The following NUDT6 variants were observed in gnomAD, a reference collection of about 807,000 sequenced individuals.
NUDT6 encodes the protein nudix hydrolase 6, also known as FAD diphosphatase NUDT6.
In NUDT6, 24 loss-of-function variants were observed where a neutral mutation model predicts 36.8. The ratio of observed to expected loss-of-function variants is 0.65; its 90% CI spans 0.47 to 0.92. The LOEUF (loss-of-function observed/expected upper bound fraction) is 0.92, where lower values mean the gene tolerates loss of function less well. NUDT6 is among the 40% of genes least tolerant of loss of function. The probability of loss-of-function intolerance (pLI) is 0.00; values close to 1 mark genes in which losing one functional copy is unlikely to be tolerated. For missense variants in NUDT6, 388 were observed against 392.8 expected, an observed-to-expected ratio of 0.99 and a Z score of 0.10; for synonymous variants, 163 against 157.0, an observed-to-expected ratio of 1.04 and a Z score of -0.29.
At chr4:122,910,598 G>A (rs1398411786) in intron 3 of NUDT6, among the ~76,000 whole-genome samples, 3 of 152,070 alleles carry the variant, frequency 2.0e-5, no homozygotes, top group South Asian at 2.1e-4. Context: ...GAAACCCAGT[G>A]TGCTATTTAA....
chr4:122,915,539 G>A (rs1048643334), intron 2 of NUDT6, among the ~76,000 whole-genome samples: 2 of 146,558 alleles, frequency 1.4e-5, no homozygotes, highest in Non-Finnish European at 3.0e-5. Flanking sequence ...ACATTACCTC[G>A]TCCACACCCC....
intron 1 of NUDT6, chr4:122,918,694 G>C (rs1727902427): frequency 6.6e-6 from 1 of 152,150 alleles, no homozygotes; most frequent in Non-Finnish European, 1.5e-5. Flanking sequence ...CTACCTCTTT[G>C]AAAGTTGCTG....
chr4:122,907,306 T>G (rs1284467385), intron 3 of NUDT6, among the ~76,000 whole-genome samples: 1 of 151,616 alleles, frequency 6.6e-6, no homozygotes, highest in Non-Finnish European at 1.5e-5. Context: ...AATTTTTGTG[T>G]TTTTTTAAAG....
At chr4:122,912,719 C>T in intron 2 of NUDT6, 96 bp from the exon 3 acceptor site, 1 of 780,460 alleles carries the variant, frequency 1.3e-6, no homozygotes, top group Non-Finnish European at 2.2e-6. Context: ...AAAATTCTAC[C>T]CATACTTGAA....
intron 3 of NUDT6, among the ~76,000 whole-genome samples, chr4:122,907,733 G>A (rs1264255465): frequency 1.3e-5 from 2 of 152,148 alleles, no homozygotes; most frequent in Non-Finnish European, 2.9e-5. Context: ...ACAGGCATGA[G>A]CCACTGCGCC....
At chr4:122,920,729 CTG>C (rs1367168389) in intron 1 of NUDT6, 3 of 152,324 alleles carry the variant, frequency 2.0e-5, no homozygotes, top group East Asian at 3.9e-4. Context: ...GGTACAACAC[CTG>C]TGTCTACCCA....
rs533874938 is a variant in NUDT6, at chr4:122,892,768, T to C, written c.*60A>G. The C allele has an allele frequency of 7.8e-6, 11 of 1,409,782 alleles. No individual in the cohort carries two copies. In the South Asian group the frequency reaches 1.6e-4, roughly 20 times the overall value. 87.3% of individuals were successfully genotyped at this position (1,409,782 alleles called of 1,614,324 possible). ...AGTCAGATGTTTAATCAATCCAAAA[T>C]GTCCACTATTTCTTATGTCATTCGT... On this transcript the variant is annotated 3_prime_UTR_variant, in exon 5 of 5. Transcript: ENST00000304430.
intron 2 of NUDT6, 66 bp from the exon 3 acceptor site, chr4:122,912,689 ACT>A: frequency 2.0e-6 from 2 of 1,009,480 alleles, no homozygotes; most frequent in Non-Finnish European, 1.6e-6. Context: ...CTCCTCCCAC[ACT>A]CTCTATCTGT....
intron 4 of NUDT6, chr4:122,895,802 T>G (rs754935265): frequency 8.5e-5 from 13 of 152,234 alleles, no homozygotes; most frequent in Admixed American, 1.3e-4. Context: ...CCCAGTTAAC[T>G]AGGGTTTACT....
chr4:122,911,841 C>T (rs185683037), intron 3 of NUDT6, among the ~76,000 whole-genome samples: 1 of 152,208 alleles, frequency 6.6e-6, no homozygotes, highest in East Asian at 1.9e-4. Flanking sequence ...CTTCTAGTCA[C>T]CTAGACTCCT....
chr4:122,892,600 T>C lies in NUDT6; in HGVS notation c.*228A>G, dbSNP rs1727217252. ...TGTAAAATGTATATTCTCCCTTTTA[T>C]ATTGCATCTGCTGTTACCCAGTGAA... On this transcript the variant is annotated 3_prime_UTR_variant, in exon 5 of 5. Coordinates refer to ENST00000304430, the MANE Select transcript of NUDT6 (RefSeq NM_007083.5). 4.2e-6 allele frequency: 6 copies of C among 1,438,330 alleles called. No individual in the cohort carries two copies. In the South Asian group the frequency reaches 9.2e-5, roughly 22 times the overall value. 89.1% of individuals were successfully genotyped at this position (1,438,330 alleles called of 1,614,324 possible).
intron 2 of NUDT6, among the ~76,000 whole-genome samples, chr4:122,916,075 A>G (rs1727832972): frequency 6.6e-6 from 1 of 152,198 alleles, no homozygotes; most frequent in Non-Finnish European, 1.5e-5. Context: ...CTAGAAATCT[A>G]AGAATTTTGG....
intron 2 of NUDT6, among the ~76,000 whole-genome samples, chr4:122,916,058 A>C (rs1433787369): frequency 6.6e-6 from 1 of 152,180 alleles, no homozygotes; most frequent in Non-Finnish European, 1.5e-5. Flanking sequence ...TTACTATTAT[A>C]GTTTTTCTAG....
chr4:122,904,821 T>C (rs1727586716), intron 3 of NUDT6, among the ~76,000 whole-genome samples: 1 of 152,172 alleles, frequency 6.6e-6, no homozygotes, highest in African/African-American at 2.4e-5. Flanking sequence ...TGAGGACAGG[T>C]TGCTATGATG....
intron 3 of NUDT6, among the ~76,000 whole-genome samples, chr4:122,902,052 G>T (rs1727533467): frequency 6.6e-6 from 1 of 152,042 alleles, no homozygotes; most frequent in South Asian, 2.1e-4. Context: ...CATTGTTCTA[G>T]TCTTTAATAA....
Position 122,922,593 on chromosome 4 carries a change from C to A in NUDT6, c.-21G>T. The A allele has an allele frequency of 6.3e-7, 1 of 1,579,932 alleles. No homozygotes were observed. The highest frequency in any genetic ancestry group is 8.6e-7 in the Non-Finnish European group (1 of 1,167,646). On this transcript the variant is annotated 5_prime_UTR_variant, in exon 1 of 5. Coordinates refer to ENST00000304430, the MANE Select transcript of NUDT6 (RefSeq NM_007083.5). ...CGCATCTCCACGCCGCTTAATTCGT[C>A]CGTTGCCCAAATGACCCCTCCGCGC...
At chr4:122,898,135 T>TAA (rs1471759832) in intron 3 of NUDT6, 1 of 153,964 alleles carries the variant, frequency 6.5e-6, no homozygotes, top group Non-Finnish European at 1.4e-5. Context: ...GTATTACTCT[T>TAA]ATTATTTCTA....
At chr4:122,904,721 T>TGG (rs769990875) in intron 3 of NUDT6, among the ~76,000 whole-genome samples, 11 of 152,224 alleles carry the variant, frequency 7.2e-5, no homozygotes, top group Non-Finnish European at 1.5e-5. Context: ...CCCAAAGTGC[T>TGG]GGGATTACAG....
chr4:122,901,074 C>T (rs1317647407), intron 3 of NUDT6, among the ~76,000 whole-genome samples: 2 of 151,850 alleles, frequency 1.3e-5, no homozygotes, highest in Non-Finnish European at 2.9e-5. Flanking sequence ...TTCCTAATCT[C>T]AAAAAAGGAA....
Sources: gnomAD v4.1 joint callset for allele counts (sites outside exome capture counted in the v4.1 genomes callset) on GRCh38, gnomAD v4.1.1 for gene constraint, MANE v1.5 for transcripts, NCBI Gene and HGNC (gene_info 2026-07-23, HGNC 2026-07-21) for gene names.